SELENOK: variants seen among roughly 807,000 people sequenced by gnomAD.
SELENOK encodes the protein selenoprotein K.
SELENOK carries 11 observed loss-of-function variants against 17.3 expected under a neutral mutation model. That is an observed-to-expected ratio of 0.63 (90% CI 0.40 to 1.05). The LOEUF is 1.05. Ranked by LOEUF, SELENOK falls within the 50% of genes least tolerant of loss-of-function variation. SELENOK has a pLI of 0.00. For synonymous variants in SELENOK, 45 were observed against 35.4 expected (o/e 1.27, Z -0.97); for missense variants, 125 against 113.9 (o/e 1.10, Z -0.44).
At chr3:53,888,253 C>T (rs1700140823) in intron 2 of SELENOK, 140 bp downstream of exon 2, 1 of 608,908 alleles carries the variant, frequency 1.6e-6, no homozygotes, top group Non-Finnish European at 2.9e-6. Flanking sequence ...CATCTATTTC[C>T]CTGTGTAAAG....
chr3:53,885,039 C>G lies in SELENOK; in HGVS notation c.*519G>C, dbSNP rs968217272. 1 of 152,184 alleles carries G rather than the reference C, an allele frequency of 6.6e-6. No individual in the cohort carries two copies. The highest frequency in any genetic ancestry group is 1.5e-5 in the Non-Finnish European group (1 of 68,040). The allele number at this position is 152,184 out of a possible 1,614,324, so 9.4% of individuals were successfully genotyped here. On this transcript the variant is annotated 3_prime_UTR_variant, in exon 5 of 5. Coordinates refer to ENST00000495461, the MANE Select transcript of SELENOK (RefSeq NM_021237.5). ...ATTACATTTGGTAGCAAATTAGACA[C>G]AGTGTATTAAAGATTGATGAGACAA... is the stretch of plus-strand genomic sequence containing the variant.
At chr3:53,886,565 T>A (rs1700128462) in intron 3 of SELENOK, among the ~76,000 whole-genome samples, 1 of 152,200 alleles carries the variant, frequency 6.6e-6, no homozygotes, top group African/African-American at 2.4e-5. Context: ...CAACTAGAAA[T>A]CCAGATGTTA....
intron 1 of SELENOK, among the ~76,000 whole-genome samples, chr3:53,891,470 G>C (rs1413598755): frequency 6.6e-6 from 1 of 152,190 alleles, no homozygotes; most frequent in Non-Finnish European, 1.5e-5. Context: ...ACCGACACCC[G>C]AGAGAGGAAA....
intron 1 of SELENOK, among the ~76,000 whole-genome samples, chr3:53,889,367 T>C (rs1700151329): frequency 6.6e-6 from 1 of 152,210 alleles, no homozygotes; most frequent in South Asian, 2.1e-4. Context: ...AATAATACAA[T>C]TTCTATCCTT....
chr3:53,891,707 A>G, intron 1 of SELENOK, 63 bp downstream of exon 1: 1 of 1,602,918 alleles, frequency 6.2e-7, no homozygotes, highest in Non-Finnish European at 8.5e-7. Flanking sequence ...AGCGACGATG[A>G]AAGGAACCTG....
intron 2 of SELENOK, among the ~76,000 whole-genome samples, chr3:53,887,196 G>A (rs1982171): frequency 0.34 from 52,252 of 151,950 alleles, 9,258 homozygotes; most frequent in East Asian, 0.48. Flanking sequence ...TGAAACCAGA[G>A]TCATCCCTGA....
At chr3:53,888,198 T>A in intron 2 of SELENOK, 195 bp downstream of exon 2, 1 of 513,226 alleles carries the variant, frequency 1.9e-6, no homozygotes, top group Non-Finnish European at 3.5e-6. Context: ...AACTAACATA[T>A]ACTCATAATC....
intron 1 of SELENOK, among the ~76,000 whole-genome samples, chr3:53,889,036 G>A (rs562277179): frequency 6.6e-5 from 10 of 151,166 alleles, no homozygotes; most frequent in South Asian, 2.1e-4. Context: ...CAGCCTGGGC[G>A]ACAGAGCAAG....
intron 1 of SELENOK, 142 bp from the exon 2 acceptor site, chr3:53,888,625 G>A (rs1700143780): frequency 1.5e-6 from 1 of 685,730 alleles, no homozygotes; most frequent in Admixed American, 2.6e-5. Context: ...AGAAATCTGT[G>A]AGCATCATTC....
chr3:53,885,949 G>C (rs1039190323), intron 3 of SELENOK, 37 bp from the exon 4 acceptor site: 1 of 1,337,844 alleles, frequency 7.5e-7, no homozygotes, highest in Non-Finnish European at 1.0e-6. Context: ...CTGTTTGATA[G>C]ACACAACTTG....
intron 3 of SELENOK, among the ~76,000 whole-genome samples, chr3:53,886,598 T>A (rs1700128701): frequency 6.6e-6 from 1 of 152,250 alleles, no homozygotes; most frequent in South Asian, 2.1e-4. Context: ...TAGATTTTAA[T>A]GGTGGCCATC....
chr3:53,886,873 A>T lies in SELENOK; in HGVS notation c.172T>A (p.Ser58Thr), dbSNP rs1225353473. Residue 58 changes from serine (S) to threonine (T), a missense_variant, in exon 3 of 5, where the codon TCC (serine) becomes ACC (threonine). By Grantham distance (58) the Ser-to-Thr change is moderately conservative. Coordinates refer to ENST00000495461, the MANE Select transcript of SELENOK (RefSeq NM_021237.5). Reference sequence around the variant, plus strand: ...TACCCTCTTCCATCATCATATCTGGAATCAGATGAGTTTCCATAGCTTCTT... The same window carrying T: ...TACCCTCTTCCATCATCATATCTGGTATCAGATGAGTTTCCATAGCTTCTT... ...KRRSYGNSSD[S>T]RYDDGRGPPG... 5 of 1,569,274 alleles carry T rather than the reference A, an allele frequency of 3.2e-6. No homozygotes were observed. The African/African-American group carries it at 6.8e-5, about 21-fold the overall frequency.
chr3:53,885,993 C>G (rs537508164), intron 3 of SELENOK, 81 bp from the exon 4 acceptor site: 1 of 943,852 alleles, frequency 1.1e-6, no homozygotes, highest in African/African-American at 1.7e-5. Context: ...CAACTAGACC[C>G]TTTTCTTTTT....
chr3:53,885,609 C>T (rs1700119466), intron 4 of SELENOK, 48 bp from the exon 5 acceptor site: 2 of 1,571,934 alleles, frequency 1.3e-6, no homozygotes, highest in African/African-American at 2.7e-5. Context: ...TAATTTGGAT[C>T]TGTGTGAAAA....
chr3:53,891,642 G>A, intron 1 of SELENOK, 128 bp downstream of exon 1: 1 of 1,283,882 alleles, frequency 7.8e-7, no homozygotes, highest in Non-Finnish European at 1.1e-6. Context: ...GTCCAGCTCC[G>A]CCCGGCCGCG....
intron 2 of SELENOK, 73 bp downstream of exon 2, chr3:53,888,320 C>A: frequency 2.2e-6 from 2 of 925,332 alleles, no homozygotes; most frequent in South Asian, 1.4e-5. Flanking sequence ...TATTTAAGAT[C>A]CCTAACATAA....
intron 1 of SELENOK, 69 bp downstream of exon 1, chr3:53,891,701 A>T: frequency 6.3e-7 from 1 of 1,588,648 alleles, no homozygotes; most frequent in Non-Finnish European, 8.6e-7. Context: ...TCAGCGAGCG[A>T]CGATGAAAGG....
In SELENOK at chr3:53,891,667, G is replaced by A. The variant is rs546826729; in HGVS notation, c.19+103C>T. The A allele has an allele frequency of 2.0e-6, 3 of 1,485,878 alleles. No individual in the cohort carries two copies. In the South Asian group the frequency reaches 3.4e-5, roughly 17 times the overall value. The allele number at this position is 1,485,878 out of a possible 1,614,324, so 92.0% of individuals were successfully genotyped here. A position where few individuals can be genotyped will look rare whatever the true frequency, so the allele number is the denominator to read the frequency against. On this transcript the variant is annotated intron_variant, in intron 1 of 4. Coordinates refer to ENST00000495461, the MANE Select transcript of SELENOK (RefSeq NM_021237.5). ...GCCCGGCCGCGGGGCGCTAAGCCCG[G>A]GGAAGCCGCACCGGGCTCAAGACTC...
chr3:53,889,327 T>C lies in SELENOK; in HGVS notation c.20-844A>G, dbSNP rs540044972. On this transcript the variant is annotated intron_variant, in intron 1 of 4. Coordinates refer to ENST00000495461, the MANE Select transcript of SELENOK (RefSeq NM_021237.5). ...CATTCTACTTTCTGTCCCGACAAAT[T>C]TGACTACTCTAGGAACCTCATAAAA... Among the ~76,000 whole-genome samples, 38 of 152,304 alleles carry C rather than the reference T, an allele frequency of 2.5e-4. 1 individual carries two copies. In the South Asian group the frequency reaches 6.8e-3, roughly 27 times the overall value.
Sources: allele counts gnomAD v4.1 joint callset (sites outside exome capture counted in the v4.1 genomes callset), GRCh38; gene constraint gnomAD v4.1.1; transcripts MANE v1.5; gene names NCBI Gene and HGNC (gene_info 2026-07-23, HGNC 2026-07-21).